Variants in PECR observed in about 807,000 individuals in gnomAD.
PECR encodes the protein peroxisomal trans-2-enoyl-CoA reductase.
Under a neutral mutation model 35.3 loss-of-function variants are expected in PECR, and 30 were observed. The observed-to-expected ratio is 0.85, with a 90% CI of 0.64 to 1.15. The LOEUF is 1.15. PECR is among the 50% of genes most tolerant of loss of function. The pLI, the probability that PECR is intolerant of heterozygous loss-of-function variation, is 0.00. For synonymous variants in PECR, 148 were observed against 138.9 expected, an observed-to-expected ratio of 1.07 and a Z score of -0.46; for missense variants, 392 against 370.8, an observed-to-expected ratio of 1.06 and a Z score of -0.47.
At chr2:216,043,385 C>T (rs994538000) in intron 7 of PECR, among the ~76,000 whole-genome samples, 7 of 152,114 alleles carry the variant, frequency 4.6e-5, no homozygotes, top group African/African-American at 1.7e-4. Flanking sequence ...GCTGGGATTA[C>T]AGGCATGAGC....
chr2:216,074,099 T>G (rs1304057336), intron 1 of PECR, among the ~76,000 whole-genome samples: 1 of 152,188 alleles, frequency 6.6e-6, no homozygotes, highest in Non-Finnish European at 1.5e-5. Flanking sequence ...ACATACACAT[T>G]TTTTGCTCTA....
chr2:216,067,039 A>G (rs1695480769), intron 1 of PECR, among the ~76,000 whole-genome samples: 1 of 152,140 alleles, frequency 6.6e-6, no homozygotes, highest in South Asian at 2.1e-4. Flanking sequence ...GGACAGTGAA[A>G]TCAAACATGA....
chr2:216,031,508 AAAGG>A (rs201068608), intron 7 of PECR, among the ~76,000 whole-genome samples: 38 of 122,458 alleles, frequency 3.1e-4, no homozygotes, highest in African/African-American at 1.1e-3. Flanking sequence ...AGAAAGAGAG[AAAGG>A]AAGGAAGGGA....
chr2:216,032,460 T>G lies in PECR; in HGVS notation c.*440+6731A>C, dbSNP rs149742022. On this transcript the variant is annotated intron_variant and NMD_transcript_variant, in intron 7 of 7. Transcript: ENST00000442122. The stretch of plus-strand genomic sequence containing the variant: ...TCTTGCAACCCTCCGTTGACCCAGT[T>G]GGCTTATGCTAGAGCTGACTAACTG... Among the ~76,000 whole-genome samples, 171 of 152,352 alleles carry G rather than the reference T, an allele frequency of 1.1e-3. 1 individual carries two copies. Among genetic ancestry groups the G allele is most frequent in the African/African-American group, 3.9e-3 (161 of 41,580 alleles).
chr2:216,043,728 T>C (rs1331708907), intron 7 of PECR, among the ~76,000 whole-genome samples, 176 bp downstream of exon 7: 1 of 152,246 alleles, frequency 6.6e-6, no homozygotes, highest in Admixed American at 6.5e-5. Context: ...TTAGATATTT[T>C]CTGTGACTAG....
At chr2:216,059,836 C>G (rs1008753467) in intron 3 of PECR, among the ~76,000 whole-genome samples, 4 of 152,200 alleles carry the variant, frequency 2.6e-5, no homozygotes, top group African/African-American at 9.7e-5. Flanking sequence ...AATCAAGAAG[C>G]ATTAAGTCCT....
chr2:216,041,448 T>C (rs79203760), intron 7 of PECR, among the ~76,000 whole-genome samples: 5 of 152,200 alleles, frequency 3.3e-5, no homozygotes, highest in East Asian at 3.8e-4. Context: ...CATCACCACA[T>C]TGATGTTATT....
At chr2:216,076,875 T>A (rs1042418478) in intron 1 of PECR, among the ~76,000 whole-genome samples, 1 of 151,896 alleles carries the variant, frequency 6.6e-6, no homozygotes, top group African/African-American at 2.4e-5. Flanking sequence ...AAAATAGAAT[T>A]CTAAACCTAA....
At chr2:216,043,066 T>C (rs1041452178) in intron 7 of PECR, among the ~76,000 whole-genome samples, 13 of 43,230 alleles carry the variant, frequency 3.0e-4, no homozygotes, top group African/African-American at 8.0e-4. Flanking sequence ...TACGTATATA[T>C]GTATGTATAT....
At chr2:216,072,325 T>C (rs1023750417) in intron 1 of PECR, among the ~76,000 whole-genome samples, 2 of 152,220 alleles carry the variant, frequency 1.3e-5, no homozygotes, top group African/African-American at 4.8e-5. Context: ...GGCTCTCCAT[T>C]TGGCCTGAAC....
At chr2:216,041,593 G>C (rs1298508509) in intron 7 of PECR, among the ~76,000 whole-genome samples, 1 of 152,194 alleles carries the variant, frequency 6.6e-6, no homozygotes, top group Non-Finnish European at 1.5e-5. Flanking sequence ...TCGCCAAAGT[G>C]ATGTGTTCTT....
intron 5 of PECR, among the ~76,000 whole-genome samples, chr2:216,050,496 A>G (rs1412719748): frequency 1.5e-4 from 23 of 152,230 alleles, no homozygotes; most frequent in Admixed American, 1.2e-3. Flanking sequence ...ATGAATTAAT[A>G]TTAGTAGCAA....
Position 216,043,918 on chromosome 2 carries a change from G to C in PECR, c.812C>G (p.Ser271Trp), listed in dbSNP as rs149798403. ...CAGCTGCTCACCTGGTACCTCATACGAGTGAGTATAGAGACTCCGGCCCCC... is the reference window on the plus strand; with the variant it reads ...CAGCTGCTCACCTGGTACCTCATACCAGTGAGTATAGAGACTCCGGCCCCC... ...VDGGRSLYTHSYEVPDHDNWP... is the reference protein window; with the variant it reads ...VDGGRSLYTHWYEVPDHDNWP... The change falls in exon 7 of 8, where the codon TCG becomes TGG. Residue 271 changes from serine (S) to tryptophan (W), a missense_variant. Physicochemically the swap from Ser to Trp is radical, Grantham distance 177 (BLOSUM62 -3). Coordinates refer to ENST00000265322, the MANE Select transcript of PECR (RefSeq NM_018441.6). The C allele has an allele frequency of 1.7e-5, 27 of 1,581,072 alleles. No homozygotes were observed. Among genetic ancestry groups the C allele is most frequent in the Middle Eastern group, 3.3e-4 (2 of 6,016 alleles).
rs573436281 is a variant in PECR, at chr2:216,049,185, G to A, written c.714+78C>T. 78 of 793,764 alleles carry A rather than the reference G, an allele frequency of 9.8e-5. 1 individual carries two copies. The East Asian group carries it at 1.5e-3, about 15-fold the overall frequency. The allele number at this position is 793,764 out of a possible 1,614,324, so 49.2% of individuals were successfully genotyped here. ...TGGGAGAAATAATGTCGTCCAGACCGCATAAAAATGACACTGAATTACAAA... is the reference window on the plus strand; with the variant it reads ...TGGGAGAAATAATGTCGTCCAGACCACATAAAAATGACACTGAATTACAAA... On this transcript the variant is annotated intron_variant, in intron 6 of 7. Transcript: ENST00000265322.
Position 216,039,050 on chromosome 2 carries a change from T to C in PECR, c.*225A>G, listed in dbSNP as rs972141323. 2.0e-5 allele frequency: 8 copies of C among 398,606 alleles called. No homozygotes were observed. The highest frequency in any genetic ancestry group is 8.1e-5 in the African/African-American group (4 of 49,266). The allele number at this position is 398,606 out of a possible 1,614,324, so 24.7% of individuals were successfully genotyped here. On this transcript the variant is annotated 3_prime_UTR_variant, in exon 8 of 8. Coordinates refer to ENST00000265322, the MANE Select transcript of PECR (RefSeq NM_018441.6). ...AATAAAAAGTAAAGTCATTAAAATA[T>C]GTTAATTTCTGTTACTTATACATTT...
intron 1 of PECR, among the ~76,000 whole-genome samples, chr2:216,077,465 C>T: frequency 6.6e-6 from 1 of 151,026 alleles, no homozygotes; most frequent in East Asian, 1.9e-4. Flanking sequence ...CAAGATCGCG[C>T]CACCGCACTC....
At chr2:216,060,823 G>C (rs1559214314) in intron 3 of PECR, among the ~76,000 whole-genome samples, 1 of 151,998 alleles carries the variant, frequency 6.6e-6, no homozygotes, top group Non-Finnish European at 1.5e-5. Flanking sequence ...ACAATAATGG[G>C]TTAGAAATAC....
rs146088492 is a variant in PECR at position 216,058,574 on chromosome 2, T to C, written c.506+321A>G. On this transcript the variant is annotated intron_variant, in intron 4 of 7. Coordinates refer to ENST00000265322, the MANE Select transcript of PECR (RefSeq NM_018441.6). Reference sequence around the variant, plus strand: ...TATACTTTAACAAATAAGCTATTCCTAGACAGTGATGGCCAGTTTAGTCAC... The same window carrying C: ...TATACTTTAACAAATAAGCTATTCCCAGACAGTGATGGCCAGTTTAGTCAC... 6.0e-3 allele frequency among the ~76,000 whole-genome samples: 911 copies of C among 152,246 alleles called. 16 individuals are homozygous for C. Among genetic ancestry groups the C allele is most frequent in the African/African-American group, 0.021 (864 of 41,478 alleles).
chr2:216,058,595 G>C (rs917845853), intron 4 of PECR, among the ~76,000 whole-genome samples: 1 of 152,094 alleles, frequency 6.6e-6, no homozygotes, highest in Non-Finnish European at 1.5e-5. Flanking sequence ...GGCCAGTTTA[G>C]TCACATCGGG....
Sources: gnomAD v4.1 joint callset for allele counts (sites outside exome capture counted in the v4.1 genomes callset) on GRCh38, gnomAD v4.1.1 for gene constraint, MANE v1.5 for transcripts, NCBI Gene and HGNC (gene_info 2026-07-23, HGNC 2026-07-21) for gene names.